The following USO1 variants were observed in gnomAD, a reference collection of about 807,000 sequenced individuals.
USO1 encodes general vesicular transport factor p115.
A neutral mutation model predicts 124.5 loss-of-function variants in USO1; 57 were observed. That is an observed-to-expected ratio of 0.46 (90% CI 0.37 to 0.57). The LOEUF is 0.57. Ranked by LOEUF, USO1 falls within the 20% of genes least tolerant of loss-of-function variation. The pLI is 0.00. For missense variants in USO1, 900 were observed against 1,040.6 expected, an observed-to-expected ratio of 0.86 and a Z score of 1.86; for synonymous variants, 369 against 362.8, an observed-to-expected ratio of 1.02 and a Z score of -0.19.
At chr4:75,810,785 C>T (rs907937156) in intron 22 of USO1, among the ~76,000 whole-genome samples, 6 of 152,052 alleles carry the variant, frequency 3.9e-5, no homozygotes, top group African/African-American at 1.4e-4. Flanking sequence ...GACTGGAGTA[C>T]AGTGGCGCGA....
In USO1 at chr4:75,805,230, T is replaced by C. The variant is rs775993695; in HGVS notation, c.2216T>C (p.Ile739Thr). 4 of 1,612,922 alleles carry C rather than the reference T, an allele frequency of 2.5e-6. No homozygotes were observed. Among genetic ancestry groups the C allele is most frequent in the African/African-American group, 1.3e-5 (1 of 74,884 alleles). Residue 739 changes from isoleucine to threonine, a missense_variant, in exon 19 of 24, where the codon ATA becomes ACA. Coordinates refer to ENST00000514213, the MANE Select transcript of USO1 (RefSeq NM_003715.4). ...PEEIGRLREEIEELKRNQELL... is the reference protein window; with the variant it reads ...PEEIGRLREETEELKRNQELL... ...GAAATTGGTAGATTGCGAGAAGAGA[T>C]AGAAGAATTAAAACGTAATCAGGAA...
chr4:75,800,960 G>A, intron 16 of USO1, 119 bp from the exon 17 acceptor site: 1 of 1,383,284 alleles, frequency 7.2e-7, no homozygotes, highest in East Asian at 2.5e-5. Context: ...CTTTCAGTAG[G>A]ATTGAAAAGA....
rs965023002 is a variant in USO1 at position 75,752,450 on chromosome 4, A to G, written c.144A>G (p.Ser48=). Residue 48 remains serine, a synonymous_variant, in exon 2 of 24, where the codon TCA becomes TCG. Coordinates refer to ENST00000514213, the MANE Select transcript of USO1 (RefSeq NM_003715.4). ...DRRNAVRALK[S]LSKKYRLEVG... ...GAAATGCTGTTCGTGCTCTCAAATC[A>G]TTATCTAAGGTTTGTAACTTTGTAA... is the stretch of plus-strand genomic sequence containing the variant. 2.0e-5 allele frequency: 8 copies of G among 398,308 alleles called. No homozygotes were observed. The highest frequency in any genetic ancestry group is 8.8e-5 in the Admixed American group (2 of 22,696). The allele number at this position is 398,308 out of a possible 1,614,324, so 24.7% of individuals were successfully genotyped here. A position where few individuals can be genotyped will look rare whatever the true frequency, so the allele number is the denominator to read the frequency against.
chr4:75,790,527 A>G, intron 11 of USO1, 116 bp from the exon 12 acceptor site: 2 of 1,422,232 alleles, frequency 1.4e-6, no homozygotes, highest in Non-Finnish European at 1.9e-6. Context: ...AGATGGAAAT[A>G]CTTAACTTGC....
intron 7 of USO1, among the ~76,000 whole-genome samples, chr4:75,772,353 C>T (rs1245819688): frequency 2.0e-5 from 3 of 151,986 alleles, no homozygotes; most frequent in Non-Finnish European, 2.9e-5. Flanking sequence ...TTTTCTGCCT[C>T]AGCCTCTCGA....
rs1173910795 is a variant in USO1 at position 75,810,510 on chromosome 4, G to A, written c.2554G>A (p.Ala852Thr). 6.2e-7 allele frequency: 1 copy of A among 1,612,746 alleles called. No individual in the cohort carries two copies. Among genetic ancestry groups the A allele is most frequent in the Admixed American group, 1.7e-5 (1 of 59,906 alleles). The change falls in exon 22 of 24, where the codon GCA becomes ACA. Residue 852 changes from alanine (A) to threonine (T), a missense_variant. Coordinates refer to ENST00000514213, the MANE Select transcript of USO1 (RefSeq NM_003715.4). ...KTTDVEGRLS[A>T]LLQETKELKN... ...TACTGATGTAGAAGGAAGACTGTCA[G>A]CATTATTACAAGAGACCAAAGAGTT...
At chr4:75,729,496 C>T (rs980115257) in intron 1 of USO1, among the ~76,000 whole-genome samples, 13 of 152,044 alleles carry the variant, frequency 8.6e-5, no homozygotes, top group African/African-American at 1.7e-4. Context: ...CACGCCACCA[C>T]GCCAGGCTAA....
At chr4:75,749,683 G>GAA (rs536930150) in intron 1 of USO1, among the ~76,000 whole-genome samples, 1 of 137,224 alleles carries the variant, frequency 7.3e-6, no homozygotes, top group Non-Finnish European at 1.6e-5. Flanking sequence ...TGATAGTCTT[G>GAA]AAAAAAAAAA....
chr4:75,730,297 A>G (rs1720592835), intron 1 of USO1, among the ~76,000 whole-genome samples: 1 of 152,184 alleles, frequency 6.6e-6, no homozygotes, highest in African/African-American at 2.4e-5. Flanking sequence ...CATGAAAAAA[A>G]TTTTGTCAGC....
At chr4:75,753,998 A>G (rs1691647374) in intron 3 of USO1, among the ~76,000 whole-genome samples, 1 of 151,556 alleles carries the variant, frequency 6.6e-6, no homozygotes. Flanking sequence ...CATGTTAGCC[A>G]GGATGGTCTC....
At chr4:75,777,856 G>A (rs992784694) in intron 8 of USO1, among the ~76,000 whole-genome samples, 1 of 152,110 alleles carries the variant, frequency 6.6e-6, no homozygotes, top group Non-Finnish European at 1.5e-5. Context: ...ATTAGTTTAA[G>A]ACATATTCAC....
At chr4:75,801,332 G>C (rs1722845257) in intron 17 of USO1, 132 bp downstream of exon 17, 1 of 1,106,480 alleles carries the variant, frequency 9.0e-7, no homozygotes, top group Admixed American at 3.7e-5. Context: ...CAAAGCATCT[G>C]AGTATTCAAC....
At chr4:75,738,322 T>C (rs1720854513) in intron 1 of USO1, among the ~76,000 whole-genome samples, 1 of 151,686 alleles carries the variant, frequency 6.6e-6, no homozygotes, top group African/African-American at 2.4e-5. Context: ...CTGGGCATGG[T>C]GGCACATGCA....
chr4:75,742,848 G>A (rs1225205895), intron 1 of USO1, among the ~76,000 whole-genome samples: 1 of 152,212 alleles, frequency 6.6e-6, no homozygotes, highest in Non-Finnish European at 1.5e-5. Flanking sequence ...ATAAGAGTTT[G>A]TGACTTCAGA....
chr4:75,810,308 G>C, intron 21 of USO1, 124 bp from the exon 22 acceptor site: 12 of 1,092,218 alleles, frequency 1.1e-5, no homozygotes, highest in African/African-American at 1.6e-5. Flanking sequence ...AAATACATAA[G>C]GAATTATATT....
intron 9 of USO1, 111 bp downstream of exon 9, chr4:75,782,969 G>T: frequency 1.5e-6 from 2 of 1,374,878 alleles, no homozygotes; most frequent in South Asian, 1.6e-5. Context: ...ATTTCAGGTT[G>T]GCTTAAAAAA....
intron 3 of USO1, among the ~76,000 whole-genome samples, chr4:75,752,865 T>G (rs2149154792): frequency 6.6e-6 from 1 of 152,260 alleles, no homozygotes; most frequent in African/African-American, 2.4e-5. Context: ...AAGTTTTTAC[T>G]TCAGATGTCA....
chr4:75,739,476 A>G (rs926645203), intron 1 of USO1, among the ~76,000 whole-genome samples: 9 of 151,114 alleles, frequency 6.0e-5, no homozygotes, highest in African/African-American at 2.2e-4. Flanking sequence ...TCATGCTGTA[A>G]GTGTGTCCTT....
intron 1 of USO1, among the ~76,000 whole-genome samples, chr4:75,739,169 T>A (rs1191704951): frequency 6.6e-6 from 1 of 152,226 alleles, no homozygotes; most frequent in Non-Finnish European, 1.5e-5. Context: ...TTTAAAGTGT[T>A]GTAAATTTTG....
Sources: gnomAD v4.1 joint callset for allele counts (sites outside exome capture counted in the v4.1 genomes callset) on GRCh38, gnomAD v4.1.1 for gene constraint, MANE v1.5 for transcripts, NCBI Gene and HGNC (gene_info 2026-07-23, HGNC 2026-07-21) for gene names.